The following PGAP6 variants were observed in gnomAD, a reference collection of about 807,000 sequenced individuals.
PGAP6 encodes the protein post-GPI attachment to proteins factor 6.
Under a neutral mutation model 68.4 loss-of-function variants are expected in PGAP6, and 62 were observed. The ratio of observed to expected loss-of-function variants is 0.91; its 90% CI spans 0.74 to 1.12. The LOEUF (loss-of-function observed/expected upper bound fraction) is 1.12. Ranked by LOEUF, PGAP6 falls within the 50% of genes most tolerant of loss-of-function variation. The pLI, the probability that PGAP6 is intolerant of heterozygous loss-of-function variation, is 0.00. For missense variants in PGAP6, 1,188 were observed against 1,068.5 expected (o/e 1.11, Z -1.56); for synonymous variants, 575 against 474.0 (o/e 1.21, Z -2.77).
chr16:381,546 C>T (rs867524149), intron 1 of PGAP6, among the ~76,000 whole-genome samples, 155 bp downstream of exon 1: 1 of 152,144 alleles, frequency 6.6e-6, no homozygotes, highest in South Asian at 2.1e-4. Context: ...CACGAAGCGC[C>T]CCAAAGGGCC....
At position 377,170 on chromosome 16, in the gene PGAP6, G is replaced by A. The variant is rs1180484392; in HGVS notation, c.508-6C>T. The A allele has an allele frequency of 2.5e-6, 4 of 1,613,242 alleles. No homozygotes were observed. Among genetic ancestry groups the A allele is most frequent in the Non-Finnish European group, 3.4e-6 (4 of 1,180,000 alleles). Reference sequence around the variant, plus strand: ...GCACAGGTGGGAGCCAAGCCCTAGGGAAAGAACAGGTGTGGGCGGGGGCGG... The same window carrying A: ...GCACAGGTGGGAGCCAAGCCCTAGGAAAAGAACAGGTGTGGGCGGGGGCGG... On this transcript the variant is annotated splice_polypyrimidine_tract_variant and splice_region_variant and intron_variant, in intron 3 of 12. Coordinates refer to ENST00000431232, the MANE Select transcript of PGAP6 (RefSeq NM_021259.3).
chr16:380,791 G>A (rs2054430307), intron 1 of PGAP6, among the ~76,000 whole-genome samples: 1 of 151,534 alleles, frequency 6.6e-6, no homozygotes, highest in African/African-American at 2.4e-5. Flanking sequence ...CATTATTTCA[G>A]GGGCAGGGGA....
rs767240598 is a variant in PGAP6 at position 377,825 on chromosome 16, A to G, written c.145T>C (p.Phe49Leu). 8.3e-6 allele frequency: 13 copies of G among 1,563,590 alleles called. No individual in the cohort carries two copies. In the East Asian group the frequency reaches 3.1e-4, roughly 37 times the overall value. ...GACAGCCTCTGCGGGGCCTGCGAGA[A>G]GTGCTCGGACACCAGCCCCACCTCT... ...KSEVGLVSEH[F>L]SQAPQRLSFY... is the part of the protein sequence containing the mutation. Residue 49 changes from phenylalanine to leucine, a missense_variant, in exon 2 of 13, where the codon TTC (phenylalanine) becomes CTC (leucine). By Grantham distance (22) the Phe-to-Leu change is conservative (BLOSUM62 0). Transcript: ENST00000431232.
In PGAP6 at chr16:374,342, C is replaced by T. The variant is rs374985730; in HGVS notation, c.1634G>A (p.Arg545Lys). The change falls in exon 10 of 13, where the codon AGG becomes AAG. Residue 545 changes from arginine to lysine, a missense_variant. By Grantham distance (26) the Arg-to-Lys change is conservative. Coordinates refer to ENST00000431232, the MANE Select transcript of PGAP6 (RefSeq NM_021259.3). Reference protein sequence around the residue: ...NSTAQTVAQQRAATLLLTLSN... With the variant: ...NSTAQTVAQQKAATLLLTLSN... ...GAGCGTGAGCAGCAGTGTGGCCGCC[C>T]TCTGCTGGGCCACCGTCTGGGCTGT... The T allele has an allele frequency of 3.1e-6, 5 of 1,602,630 alleles. No homozygotes were observed. The Admixed American group carries it at 8.3e-5, about 27-fold the overall frequency.
intron 8 of PGAP6, 91 bp downstream of exon 8, chr16:375,042 A>T: frequency 6.3e-7 from 1 of 1,579,246 alleles, no homozygotes; most frequent in East Asian, 2.2e-5. Context: ...TAGCTGGGTC[A>T]CTCCGAACGC....
rs1276678425 is a variant in PGAP6 at position 377,510 on chromosome 16, G to A, written c.375C>T (p.Pro125=). 2 of 1,601,586 alleles carry A rather than the reference G, an allele frequency of 1.2e-6. No individual in the cohort carries two copies. The highest frequency in any genetic ancestry group is 1.7e-6 in the Non-Finnish European group (2 of 1,174,838). ...TSFPDDTAVQ[P]SFQVGVPLST... Reference sequence around the variant, plus strand: ...TCAGCGGCACCCCGACCTGGAAGGAGGGCTGTACCGCGGTGTCGTCCGGGA... The same window carrying A: ...TCAGCGGCACCCCGACCTGGAAGGAAGGCTGTACCGCGGTGTCGTCCGGGA... Residue 125 remains proline (P), a synonymous_variant, in exon 3 of 13, where the codon CCC becomes CCT. Transcript: ENST00000431232.
chr16:374,934 A>G, intron 8 of PGAP6, 42 bp from the exon 9 acceptor site: 1 of 1,610,892 alleles, frequency 6.2e-7, no homozygotes, highest in Non-Finnish European at 8.5e-7. Flanking sequence ...CAGTGATCTG[A>G]CAGCCCAGCT....
upstream of PGAP6, among the ~76,000 whole-genome samples, chr16:384,626 C>A (rs1429486973): frequency 1.3e-5 from 2 of 151,650 alleles, no homozygotes; most frequent in African/African-American, 4.8e-5. Flanking sequence ...GAGGCTGAGG[C>A]CGGCGGATCA....
Position 377,494 on chromosome 16 carries a change from C to A in PGAP6, c.391G>T (p.Val131Leu), listed in dbSNP as rs558546176. The change falls in exon 3 of 13, where the codon GTG (valine) becomes TTG (leucine). Residue 131 changes from valine to leucine, a missense_variant. Coordinates refer to ENST00000431232, the MANE Select transcript of PGAP6 (RefSeq NM_021259.3). ...TAVQPSFQVG[V>L]PLSTTPRSNA... is the part of the protein sequence containing the mutation. ...CTTCTCGGTGTGGTGCTCAGCGGCA[C>A]CCCGACCTGGAAGGAGGGCTGTACC... 6.9e-5 allele frequency: 111 copies of A among 1,605,314 alleles called. No individual in the cohort carries two copies. The South Asian group carries it at 9.6e-4, about 14-fold the overall frequency.
In PGAP6 at chr16:377,403, G is replaced by T; in HGVS notation, c.482C>A (p.Pro161His). The T allele has an allele frequency of 6.2e-7, 1 of 1,604,112 alleles. No homozygotes were observed. The highest frequency in any genetic ancestry group is 8.5e-7 in the Non-Finnish European group (1 of 1,175,172). The change falls in exon 3 of 13, where the codon CCC (proline) becomes CAC (histidine). Residue 161 changes from proline to histidine, a missense_variant. Physicochemically the swap from Pro to His is moderately conservative, Grantham distance 77 (BLOSUM62 -2). Coordinates refer to ENST00000431232, the MANE Select transcript of PGAP6 (RefSeq NM_021259.3). ...CTTCAACTCGATCTTCTGGGATGAG[G>T]GGGGCAGGTGGGCGGCCACGAACCA... is the stretch of plus-strand genomic sequence containing the variant. ...GDWFVAAHLP[P>H]SSQKIELKGL...
Position 377,451 on chromosome 16 carries a change from A to G in PGAP6, c.434T>C (p.Val145Ala), listed in dbSNP as rs1391835021. The change falls in exon 3 of 13, where the codon GTT (valine) becomes GCT (alanine). Residue 145 changes from valine to alanine, a missense_variant. Physicochemically the swap from Val to Ala is moderately conservative, Grantham distance 64. Transcript: ENST00000431232. ...TTPRSNASVN[V>A]SHPAPGDWFV... The stretch of plus-strand genomic sequence containing the variant: ...CCAGTCCCCGGGGGCCGGGTGGGAA[A>G]CGTTGACGGAGGCATTGCTTCTCGG... 3.1e-6 allele frequency: 5 copies of G among 1,610,134 alleles called. No homozygotes were observed. The highest frequency in any genetic ancestry group is 4.2e-6 in the Non-Finnish European group (5 of 1,178,836).
rs921669571 is a variant in PGAP6 at position 375,516 on chromosome 16, C to T, written c.1225-81G>A. 6.0e-6 allele frequency: 7 copies of T among 1,157,226 alleles called. No individual in the cohort carries two copies. The African/African-American group carries it at 9.4e-5, about 15-fold the overall frequency. The allele number at this position is 1,157,226 out of a possible 1,614,324, so 71.7% of individuals were successfully genotyped here. On this transcript the variant is annotated intron_variant, in intron 6 of 12. Coordinates refer to ENST00000431232, the MANE Select transcript of PGAP6 (RefSeq NM_021259.3). ...CATCTGCCCCACGTGCCAGCTCAGCCTGGTGCTGGTGCCTTTCTTTTTTTT... is the reference window on the plus strand; with the variant it reads ...CATCTGCCCCACGTGCCAGCTCAGCTTGGTGCTGGTGCCTTTCTTTTTTTT...
At chr16:386,726 C>CAAAAAAAAAAAA, upstream of PGAP6, 1 of 311,116 alleles carries the variant, frequency 3.2e-6, no homozygotes. Flanking sequence ...AAAAAAAAAC[C>CAAAAAAAAAAAA]AAAAAAAAAA....
upstream of PGAP6, among the ~76,000 whole-genome samples, chr16:385,992 T>G (rs2054482607): frequency 6.6e-6 from 1 of 152,066 alleles, no homozygotes; most frequent in African/African-American, 2.4e-5. Flanking sequence ...GTCAGTAAAG[T>G]GAAAAATCCA....
rs375151187 is a variant in PGAP6 at position 376,324 on chromosome 16, G to A, written c.1036C>T (p.Arg346Cys). Residue 346 changes from arginine (R) to cysteine (C), a missense_variant, in exon 6 of 13, where the codon CGC (arginine) becomes TGC (cysteine). Transcript: ENST00000431232. ...QDLGRSGRVD[R>C]SPFCLTNYPV... Reference sequence around the variant, plus strand: ...TAGTTTGTGAGGCAGAAGGGGCTGCGGTCCACCCTGCCACTCCTGCCCAGG... The same window carrying A: ...TAGTTTGTGAGGCAGAAGGGGCTGCAGTCCACCCTGCCACTCCTGCCCAGG... 5.6e-6 allele frequency: 9 copies of A among 1,612,450 alleles called. No individual in the cohort carries two copies. Among genetic ancestry groups the A allele is most frequent in the African/African-American group, 1.3e-5 (1 of 74,900 alleles).
intron 1 of PGAP6, among the ~76,000 whole-genome samples, chr16:379,851 G>A (rs1020804320): frequency 7.9e-5 from 12 of 152,180 alleles, no homozygotes; most frequent in Admixed American, 4.6e-4. Context: ...GCTGTTAGGG[G>A]TGCTCTGAGC....
In PGAP6 at chr16:374,168, T is replaced by C; in HGVS notation, c.1756-17A>G. 1 of 1,610,658 alleles carries C rather than the reference T, an allele frequency of 6.2e-7. No homozygotes were observed. On this transcript the variant is annotated splice_polypyrimidine_tract_variant and intron_variant, in intron 10 of 12. Coordinates refer to ENST00000431232, the MANE Select transcript of PGAP6 (RefSeq NM_021259.3). ...GTGGTAGAACTGTGGGGAGGCTCCATGAGCGCGGTCCTGCCCTCCCACCCC... is the reference window on the plus strand; with the variant it reads ...GTGGTAGAACTGTGGGGAGGCTCCACGAGCGCGGTCCTGCCCTCCCACCCC...
rs1163822798 is a variant in PGAP6 at position 374,807 on chromosome 16, G to A, written c.1525C>T (p.Leu509Phe). 7 of 1,612,922 alleles carry A rather than the reference G, an allele frequency of 4.3e-6. No individual in the cohort carries two copies. Among genetic ancestry groups the A allele is most frequent in the Non-Finnish European group, 5.9e-6 (7 of 1,179,962 alleles). ...AGGTAGCTGTGTCTGCGGAGCAGGA[G>A]GCACTGGCCATAGGGTCCACAATCG... ...LNDCGPYGQC[L>F]LLRRHSYLYA... The change falls in exon 9 of 13, where the codon CTC becomes TTC. Residue 509 changes from leucine (L) to phenylalanine (F), a missense_variant. By Grantham distance (22) the Leu-to-Phe change is conservative. Coordinates refer to ENST00000431232, the MANE Select transcript of PGAP6 (RefSeq NM_021259.3).
In PGAP6 at chr16:371,863, A is replaced by G; in HGVS notation, c.*124T>C. 9.4e-7 allele frequency: 1 copy of G among 1,065,482 alleles called. No homozygotes were observed. The highest frequency in any genetic ancestry group is 1.3e-6 in the Non-Finnish European group (1 of 743,582). 66.0% of individuals were successfully genotyped at this position (1,065,482 alleles called of 1,614,324 possible). A position where few individuals can be genotyped will look rare whatever the true frequency, so the allele number is the denominator to read the frequency against. ...CCTCTCCTCAGTAGGAGGAAGTAAGAGGGTATCTAGGCCAATTTATTCAGC... is the reference window on the plus strand; with the variant it reads ...CCTCTCCTCAGTAGGAGGAAGTAAGGGGGTATCTAGGCCAATTTATTCAGC... On this transcript the variant is annotated 3_prime_UTR_variant, in exon 13 of 13. Coordinates refer to ENST00000431232, the MANE Select transcript of PGAP6 (RefSeq NM_021259.3).
Sources: gnomAD v4.1 joint callset for allele counts (sites outside exome capture counted in the v4.1 genomes callset) on GRCh38, gnomAD v4.1.1 for gene constraint, MANE v1.5 for transcripts, NCBI Gene and HGNC (gene_info 2026-07-23, HGNC 2026-07-21) for gene names.